Variants in BLTP3A observed in about 807,000 individuals in gnomAD.
BLTP3A encodes the protein bridge-like lipid transfer protein family member 3A.
the BLTP3A span, among the ~76,000 whole-genome samples, chr6:34,839,794 G>A: frequency 6.6e-6 from 1 of 152,208 alleles, no homozygotes; most frequent in East Asian, 1.9e-4. Flanking sequence ...TTCAGAGTCA[G>A]CAGCTTAACT....
the BLTP3A span, chr6:34,855,531 C>A: frequency 1.3e-6 from 2 of 1,495,954 alleles, no homozygotes; most frequent in Non-Finnish European, 1.8e-6. Flanking sequence ...TGAAGCTGGT[C>A]GTTAAGAGGA....
the BLTP3A span, among the ~76,000 whole-genome samples, chr6:34,865,278 G>A: frequency 6.6e-6 from 1 of 152,122 alleles, no homozygotes; most frequent in African/African-American, 2.4e-5. Flanking sequence ...ATGTGTAAGT[G>A]AGCACATGCT....
chr6:34,809,210 T>G, the BLTP3A span, among the ~76,000 whole-genome samples: 2 of 152,072 alleles, frequency 1.3e-5, no homozygotes, highest in East Asian at 1.9e-4. Context: ...TTGGGCAACA[T>G]GGCAAAACCC....
the BLTP3A span, among the ~76,000 whole-genome samples, chr6:34,810,267 G>A: frequency 6.6e-6 from 1 of 152,164 alleles, no homozygotes; most frequent in African/African-American, 2.4e-5. Flanking sequence ...ATTGCACTAA[G>A]CATCATGAAT....
At chr6:34,831,383 C>T in the BLTP3A span, among the ~76,000 whole-genome samples, 1 of 152,220 alleles carries the variant, frequency 6.6e-6, no homozygotes, top group African/African-American at 2.4e-5. Context: ...CCGCCTCGGC[C>T]TCCCAAAGTG....
chr6:34,841,279 G>T, the BLTP3A span, among the ~76,000 whole-genome samples: 2 of 152,062 alleles, frequency 1.3e-5, no homozygotes, highest in African/African-American at 4.8e-5. Context: ...ATGTTGGCCA[G>T]GCTGGTCTTG....
chr6:34,847,635 T>C, the BLTP3A span, among the ~76,000 whole-genome samples: 1 of 151,956 alleles, frequency 6.6e-6, no homozygotes, highest in Non-Finnish European at 1.5e-5. Flanking sequence ...GTATTGGTTA[T>C]AGTGTCTCCT....
the BLTP3A span, among the ~76,000 whole-genome samples, chr6:34,836,688 A>G: frequency 2.0e-4 from 30 of 152,266 alleles, no homozygotes; most frequent in Non-Finnish European, 2.9e-4. Flanking sequence ...GGCAATCCTG[A>G]TGCTTATCAG....
the BLTP3A span, among the ~76,000 whole-genome samples, chr6:34,807,919 TA>T: frequency 6.6e-6 from 1 of 152,050 alleles, no homozygotes; most frequent in Non-Finnish European, 1.5e-5. Context: ...TGGGCACCTG[TA>T]ATCTCAGCTA....
At chr6:34,866,734 C>T in the BLTP3A span, among the ~76,000 whole-genome samples, 1 of 152,028 alleles carries the variant, frequency 6.6e-6, no homozygotes, top group African/African-American at 2.4e-5. Context: ...TAAACAGTAA[C>T]TCCTCATTTC....
the BLTP3A span, among the ~76,000 whole-genome samples, chr6:34,816,842 T>C: frequency 6.6e-6 from 1 of 152,234 alleles, no homozygotes; most frequent in Non-Finnish European, 1.5e-5. Context: ...AAACTCATTC[T>C]GCCTGTTAAA....
chr6:34,847,206 C>G, the BLTP3A span, among the ~76,000 whole-genome samples: 49 of 151,478 alleles, frequency 3.2e-4, no homozygotes, highest in African/African-American at 7.7e-4. Flanking sequence ...TCAGGAAGAT[C>G]GGCCTGTAGT....
the BLTP3A span, chr6:34,858,758 T>G: frequency 6.2e-7 from 1 of 1,614,222 alleles, no homozygotes. Flanking sequence ...AGTAGTGGTA[T>G]GGACAACAAA....
the BLTP3A span, among the ~76,000 whole-genome samples, chr6:34,829,489 G>A: frequency 2.6e-5 from 4 of 152,246 alleles, no homozygotes; most frequent in African/African-American, 7.2e-5. Context: ...TTTGCTTCCG[G>A]CTACTTTAGC....
chr6:34,793,514 T>G, the BLTP3A span, among the ~76,000 whole-genome samples: 1 of 152,264 alleles, frequency 6.6e-6, no homozygotes, highest in Non-Finnish European at 1.5e-5. Flanking sequence ...CATCCCCTTT[T>G]CCTGGCTGAC....
the BLTP3A span, among the ~76,000 whole-genome samples, chr6:34,823,665 C>T: frequency 1.3e-5 from 2 of 151,380 alleles, no homozygotes; most frequent in Non-Finnish European, 2.9e-5. Context: ...ACCTCAGCCT[C>T]CCAAGTAGCT....
the BLTP3A span, among the ~76,000 whole-genome samples, chr6:34,812,615 C>T: frequency 6.6e-6 from 1 of 151,970 alleles, no homozygotes; most frequent in African/African-American, 2.4e-5. Flanking sequence ...AGGCATGAGC[C>T]ACTGCATCCA....
At chr6:34,867,454 C>G in the BLTP3A span, 43 of 1,613,676 alleles carry the variant, frequency 2.7e-5, no homozygotes, top group Non-Finnish European at 3.5e-5. Flanking sequence ...CTAAGAGAAT[C>G]TCCTTTGATA....
At chr6:34,828,002 A>G in the BLTP3A span, among the ~76,000 whole-genome samples, 40 of 152,300 alleles carry the variant, frequency 2.6e-4, no homozygotes, top group African/African-American at 8.2e-4. Flanking sequence ...ATTTATTTTT[A>G]GCTATGTAAA....
Sources: gnomAD v4.1 joint callset for allele counts (sites outside exome capture counted in the v4.1 genomes callset) on GRCh38, gnomAD v4.1.1 for gene constraint, MANE v1.5 for transcripts, NCBI Gene and HGNC (gene_info 2026-07-23, HGNC 2026-07-21) for gene names.